Variants in MFAP2 observed in about 807,000 individuals in gnomAD.
MFAP2 encodes the protein microfibrillar-associated protein 2.
In MFAP2, 23 loss-of-function variants were observed where a neutral mutation model predicts 30.6. The ratio of observed to expected loss-of-function variants is 0.75; its 90% CI spans 0.54 to 1.07. The LOEUF is 1.07. Ranked by LOEUF, MFAP2 falls within the 50% of genes least tolerant of loss-of-function variation. The pLI, the probability that MFAP2 is intolerant of heterozygous loss-of-function variation, is 0.00. For missense variants in MFAP2, 198 were observed against 223.8 expected, an observed-to-expected ratio of 0.88 and a Z score of 0.74; for synonymous variants, 73 against 85.7, an observed-to-expected ratio of 0.85 and a Z score of 0.82.
chr1:16,980,266 G>GGGCCCCCCCCCCCCCCCCCCCC (rs1557656617), intron 1 of MFAP2, among the ~76,000 whole-genome samples: 2 of 66,636 alleles, frequency 3.0e-5, no homozygotes, highest in Admixed American at 1.3e-4. Flanking sequence ...ATTCCCACCG[G>GGGCCCCCCCCCCCCCCCCCCCC]ACCCCCCCCC....
chr1:16,980,267 A>ACCCCCCCCCCCCCCCCCC (rs60000302), intron 1 of MFAP2, among the ~76,000 whole-genome samples: 1 of 80,298 alleles, frequency 1.2e-5, no homozygotes, highest in African/African-American at 6.7e-5. Context: ...TTCCCACCGG[A>ACCCCCCCCCCCCCCCCCC]CCCCCCCCCC....
Position 16,976,488 on chromosome 1 carries a change from A to G in MFAP2, c.286+13T>C. 6.2e-7 allele frequency: 1 copy of G among 1,614,200 alleles called. No individual in the cohort carries two copies. Among genetic ancestry groups the G allele is most frequent in the East Asian group, 2.2e-5 (1 of 44,884 alleles). The stretch of plus-strand genomic sequence containing the variant: ...CGTGCCTCCATTTTTCCAGCTGTCA[A>G]GAAAGCCCTTACCAAGAGGCCCAGG... On this transcript the variant is annotated intron_variant, in intron 6 of 8. Coordinates refer to ENST00000375535, the MANE Select transcript of MFAP2 (RefSeq NM_002403.4). The surrounding 1 kb of genome is among the most constrained non-coding windows in gnomAD (Gnocchi z 5.5).
At chr1:16,977,902 C>A in intron 2 of MFAP2, 1 of 303,028 alleles carries the variant, frequency 3.3e-6, no homozygotes, top group Non-Finnish European at 6.3e-6. Flanking sequence ...CTCAAGCATC[C>A]GGACTCCCTG....
rs769240656 is a variant in MFAP2, at chr1:16,976,775, G to A, written c.174C>T (p.Ser58=). 27 of 1,613,840 alleles carry A rather than the reference G, an allele frequency of 1.7e-5. No individual in the cohort carries two copies. Among genetic ancestry groups the A allele is most frequent in the Admixed American group, 3.3e-5 (2 of 59,988 alleles). The part of the protein sequence containing the change: ...YDYQEVTPRP[S]EEQFQFQSQQ... ...GGGACTGGAACTGGAACTGTTCCTC[G>A]GAGGGCCGAGGAGTCACCTCTGCAG... Residue 58 remains serine, a synonymous_variant, in exon 5 of 9, where the codon TCC becomes TCT. Transcript: ENST00000375535. This position sits in a 1 kb window ranked among gnomAD's most constrained non-coding sequence, Gnocchi z 5.5.
chr1:16,978,177 C>A (rs2076608648), intron 2 of MFAP2, 60 bp downstream of exon 2: 1 of 1,523,178 alleles, frequency 6.6e-7, no homozygotes, highest in Non-Finnish European at 8.9e-7. Flanking sequence ...ATTCCCCCTA[C>A]TAACCCTACT....
intron 1 of MFAP2, 85 bp from the exon 2 acceptor site, chr1:16,978,399 G>T: frequency 8.6e-7 from 1 of 1,166,366 alleles, no homozygotes; most frequent in Non-Finnish European, 1.2e-6. Flanking sequence ...TTTCGCCCTG[G>T]AGAAGGTGGC....
intron 2 of MFAP2, 192 bp downstream of exon 2, chr1:16,978,045 C>T (rs1335729529): frequency 1.7e-5 from 10 of 572,712 alleles, no homozygotes; most frequent in African/African-American, 3.8e-5. Context: ...GGGGAAGGGC[C>T]AGGAGCTGCC....
At chr1:16,977,336 T>C (rs1483622378) in intron 2 of MFAP2, 138 bp from the exon 3 acceptor site, 1 of 753,820 alleles carries the variant, frequency 1.3e-6, no homozygotes, top group Non-Finnish European at 2.1e-6. Context: ...TCCTAGAGGA[T>C]CCAGACTCTT....
chr1:16,980,770 G>T (rs1367705408), upstream of MFAP2: 1 of 8,686 alleles, frequency 1.2e-4, no homozygotes, highest in African/African-American at 2.0e-4. Flanking sequence ...TCCATCTCCT[G>T]GGGGGGGGGG....
At chr1:16,981,331 T>C (rs527273447), upstream of MFAP2, among the ~76,000 whole-genome samples, 1 of 152,292 alleles carries the variant, frequency 6.6e-6, no homozygotes. Context: ...GTCCCACAAA[T>C]GTCCTCAAGA....
intron 2 of MFAP2, 43 bp downstream of exon 2, chr1:16,978,193 GC>G: frequency 6.5e-7 from 1 of 1,549,334 alleles, no homozygotes; most frequent in Non-Finnish European, 8.7e-7. Context: ...CTACTCCTCA[GC>G]CCCACATAAG....
In MFAP2 at chr1:16,977,247, G is replaced by T. The variant is rs780842258; in HGVS notation, c.38-49C>A. The T allele has an allele frequency of 1.9e-6, 3 of 1,586,644 alleles. No homozygotes were observed. The South Asian group carries it at 3.4e-5, about 18-fold the overall frequency. ...GGTACCCCATCGGGAGGGGCAACGG[G>T]GGCCCGAGGCGCTTCTGGAGAGTGG... On this transcript the variant is annotated intron_variant, in intron 2 of 8. Coordinates refer to ENST00000375535, the MANE Select transcript of MFAP2 (RefSeq NM_002403.4).
Position 16,974,817 on chromosome 1 carries a change from C to T in MFAP2, c.*103G>A, listed in dbSNP as rs1039821054. The T allele has an allele frequency of 2.3e-5, 12 of 523,110 alleles. No homozygotes were observed. Among genetic ancestry groups the T allele is most frequent in the Non-Finnish European group, 3.3e-5 (10 of 304,106 alleles). 32.4% of individuals were successfully genotyped at this position (523,110 alleles called of 1,614,324 possible). A position where few individuals can be genotyped will look rare whatever the true frequency, so the allele number is the denominator to read the frequency against. On this transcript the variant is annotated 3_prime_UTR_variant, in exon 9 of 9. Coordinates refer to ENST00000375535, the MANE Select transcript of MFAP2 (RefSeq NM_002403.4). ...AGGGCTGCAGTCCACTAACTTTTTA[C>T]AGAATAAAAGGAACATGGGGATGGG...
In MFAP2 at chr1:16,976,116, C is replaced by T. The variant is rs2076589310; in HGVS notation, c.286+385G>A. 1 of 477,372 alleles carries T rather than the reference C, an allele frequency of 2.1e-6. No individual in the cohort carries two copies. Among genetic ancestry groups the T allele is most frequent in the East Asian group, 3.9e-5 (1 of 25,348 alleles). 29.6% of individuals were successfully genotyped at this position (477,372 alleles called of 1,614,324 possible). A position where few individuals can be genotyped will look rare whatever the true frequency, so the allele number is the denominator to read the frequency against. On this transcript the variant is annotated intron_variant, in intron 6 of 8. Transcript: ENST00000375535. This position sits in a 1 kb window ranked among gnomAD's most constrained non-coding sequence, Gnocchi z 5.5. ...CCTGCACACACACACCTTGTTCTTT[C>T]AAGCTCTCAGCTAGGGCAGCCGGAG...
chr1:16,977,960 G>GCCTTGTGCCCACGGAGT (rs2076606725), intron 2 of MFAP2: 1 of 409,440 alleles, frequency 2.4e-6, no homozygotes, highest in Non-Finnish European at 4.6e-6. Flanking sequence ...GAGGCCTTGT[G>GCCTTGTGCCCACGGAGT]CCTTGTGCCC....
intron 1 of MFAP2, chr1:16,978,870 C>T (rs758699233): frequency 1.3e-4 from 20 of 152,304 alleles, no homozygotes; most frequent in Non-Finnish European, 2.3e-4. Flanking sequence ...TGGGCCTGCC[C>T]GGCCCCCAGA....
In MFAP2 at chr1:16,976,663, G is replaced by A. The variant is rs1243895830; in HGVS notation, c.241+45C>T. 6.2e-7 allele frequency: 1 copy of A among 1,610,422 alleles called. No individual in the cohort carries two copies. The highest frequency in any genetic ancestry group is 8.5e-7 in the Non-Finnish European group (1 of 1,178,046). On this transcript the variant is annotated intron_variant, in intron 5 of 8. Transcript: ENST00000375535. The surrounding 1 kb of genome is among the most constrained non-coding windows in gnomAD (Gnocchi z 5.5). The stretch of plus-strand genomic sequence containing the variant: ...CCCAGGGTTGACAGGGTGGGGAGGG[G>A]TGAGGCAGGAGCTGAGACGGGTGGG...
rs2076575390 is a variant in MFAP2 at position 16,974,857 on chromosome 1, G to T, written c.*63C>A. The T allele has an allele frequency of 1.7e-6, 1 of 575,796 alleles. No individual in the cohort carries two copies. The highest frequency in any genetic ancestry group is 2.0e-5 in the South Asian group (1 of 49,220). 35.7% of individuals were successfully genotyped at this position (575,796 alleles called of 1,614,324 possible). ...ATGGGGATGGGGAAAAAAGCACCAG[G>T]TCAGGCAGGGCCCGAGGGCCCCAGA... On this transcript the variant is annotated 3_prime_UTR_variant, in exon 9 of 9. Coordinates refer to ENST00000375535, the MANE Select transcript of MFAP2 (RefSeq NM_002403.4).
In MFAP2 at chr1:16,976,837, T is replaced by G. The variant is rs769150537; in HGVS notation, c.155-43A>C. The G allele has an allele frequency of 2.5e-6, 4 of 1,613,940 alleles. No individual in the cohort carries two copies. In the East Asian group the frequency reaches 8.9e-5, roughly 36 times the overall value. ...TAAGGGGGTCTGCTCCCTCTACCCC[T>G]CCCAGGGGGTCTCCCCACCCCAGCT... On this transcript the variant is annotated intron_variant, in intron 4 of 8. Coordinates refer to ENST00000375535, the MANE Select transcript of MFAP2 (RefSeq NM_002403.4). The surrounding 1 kb of genome is among the most constrained non-coding windows in gnomAD (Gnocchi z 5.5).
Sources: allele counts gnomAD v4.1 joint callset (sites outside exome capture counted in the v4.1 genomes callset), GRCh38; gene constraint gnomAD v4.1.1; non-coding constraint Gnocchi (gnomAD v3.1); transcripts MANE v1.5; gene names NCBI Gene and HGNC (gene_info 2026-07-23, HGNC 2026-07-21).